GMDS: variants seen among roughly 807,000 people sequenced by gnomAD.
GMDS encodes the protein GDP-mannose 4,6 dehydratase.
In GMDS, 20 loss-of-function variants were observed where a neutral mutation model predicts 49.9. That is an observed-to-expected ratio of 0.40 (90% CI 0.28 to 0.58). The LOEUF (loss-of-function observed/expected upper bound fraction) is 0.58, where lower values mean the gene tolerates loss of function less well. Ranked by LOEUF, GMDS falls within the 20% of genes least tolerant of loss-of-function variation. The pLI, the probability that GMDS is intolerant of heterozygous loss-of-function variation, is 0.42. For missense variants in GMDS, 362 were observed against 481.4 expected, an observed-to-expected ratio of 0.75 and a Z score of 2.32; for synonymous variants, 177 against 178.6, an observed-to-expected ratio of 0.99 and a Z score of 0.07.
intron 1 of GMDS, among the ~76,000 whole-genome samples, chr6:2,231,682 G>A (rs1162699182): frequency 2.0e-5 from 3 of 152,196 alleles, no homozygotes; most frequent in Admixed American, 2.0e-4. Flanking sequence ...ATATCAAATG[G>A]GTACCAGGAA....
At chr6:1,748,713 T>A (rs1269260261) in intron 7 of GMDS, among the ~76,000 whole-genome samples, 1 of 152,280 alleles carries the variant, frequency 6.6e-6, no homozygotes, top group Non-Finnish European at 1.5e-5. Flanking sequence ...CAAATGGGTA[T>A]GACTGTGTTC....
chr6:1,898,287 A>G (rs1230995295), intron 7 of GMDS, among the ~76,000 whole-genome samples: 2 of 152,226 alleles, frequency 1.3e-5, no homozygotes, highest in Non-Finnish European at 2.9e-5. Flanking sequence ...AATTTTGCTA[A>G]AGAAAATCAC....
At position 2,124,736 on chromosome 6, in the gene GMDS, G is replaced by T. The variant is rs368457593; in HGVS notation, c.103-5C>A. 181 of 1,611,842 alleles carry T rather than the reference G, an allele frequency of 1.1e-4. No homozygotes were observed. Among genetic ancestry groups the T allele is most frequent in the Non-Finnish European group, 1.5e-4 (171 of 1,178,548 alleles). ...CTCAGCCAGGTAGGAACCATCCTGG[G>T]GAGAAAGAAAAAATTGCAAAACGTC... On this transcript the variant is annotated splice_polypyrimidine_tract_variant and splice_region_variant and intron_variant, in intron 1 of 10. Transcript: ENST00000380815.
At chr6:1,983,441 C>A (rs1200476939) in intron 4 of GMDS, among the ~76,000 whole-genome samples, 1 of 152,102 alleles carries the variant, frequency 6.6e-6, no homozygotes, top group East Asian at 1.9e-4. Flanking sequence ...AGTAAACAGA[C>A]AACCTACAGA....
chr6:2,179,242 A>C (rs1323254035), intron 1 of GMDS, among the ~76,000 whole-genome samples: 1 of 152,226 alleles, frequency 6.6e-6, no homozygotes, highest in Non-Finnish European at 1.5e-5. Flanking sequence ...AAATATCTTA[A>C]AACTTGATTT....
chr6:2,108,098 T>C (rs1362768137), intron 4 of GMDS, among the ~76,000 whole-genome samples: 1 of 152,220 alleles, frequency 6.6e-6, no homozygotes, highest in Non-Finnish European at 1.5e-5. Context: ...AGACCCAATA[T>C]GAAGTTACAG....
intron 8 of GMDS, among the ~76,000 whole-genome samples, chr6:1,737,716 GAC>G (rs960466672): frequency 2.8e-5 from 3 of 106,878 alleles, no homozygotes; most frequent in African/African-American, 1.2e-4. Flanking sequence ...ACACCACAAA[GAC>G]ACACCACAAA....
intron 7 of GMDS, among the ~76,000 whole-genome samples, chr6:1,898,506 A>T (rs1479274146): frequency 6.6e-6 from 1 of 152,148 alleles, no homozygotes; most frequent in Non-Finnish European, 1.5e-5. Flanking sequence ...GGGCAAAATA[A>T]TAGTTTCCAC....
chr6:1,920,464 CAAGA>C (rs1038639716), intron 7 of GMDS, among the ~76,000 whole-genome samples: 7 of 152,254 alleles, frequency 4.6e-5, no homozygotes, highest in African/African-American at 1.4e-4. Context: ...AGAGACAGAG[CAAGA>C]GAGATAGAGT....
At chr6:2,070,507 C>G (rs770162117) in intron 4 of GMDS, among the ~76,000 whole-genome samples, 12 of 152,082 alleles carry the variant, frequency 7.9e-5, no homozygotes, top group South Asian at 2.1e-4. Flanking sequence ...ATCTAGCAAT[C>G]TGATGGATGA....
intron 1 of GMDS, among the ~76,000 whole-genome samples, chr6:2,217,080 G>A (rs551499542): frequency 2.6e-5 from 4 of 152,108 alleles, no homozygotes; most frequent in Admixed American, 6.5e-5. Flanking sequence ...ACGTGGACTC[G>A]AGCTGGCTCT....
intron 6 of GMDS, among the ~76,000 whole-genome samples, chr6:1,953,838 C>T (rs1763490305): frequency 1.3e-5 from 2 of 151,774 alleles, no homozygotes; most frequent in East Asian, 1.9e-4. Flanking sequence ...TTAAAAAAAC[C>T]TCTCAATATT....
chr6:1,702,189 G>A (rs34516806), intron 9 of GMDS, among the ~76,000 whole-genome samples: 10,747 of 152,310 alleles, frequency 0.071, 446 homozygotes, highest in South Asian at 0.093. Flanking sequence ...GCTGGACTCC[G>A]ACTCTTCGTA....
intron 9 of GMDS, among the ~76,000 whole-genome samples, chr6:1,707,078 G>A (rs1398795117): frequency 6.6e-6 from 1 of 152,136 alleles, no homozygotes; most frequent in Non-Finnish European, 1.5e-5. Flanking sequence ...GGTAGTTTGT[G>A]GATAACAGAG....
chr6:1,845,763 T>C (rs935484431), intron 7 of GMDS, among the ~76,000 whole-genome samples: 10 of 152,124 alleles, frequency 6.6e-5, no homozygotes, highest in African/African-American at 2.4e-4. Context: ...CAGTACACAA[T>C]AGAGGCTGTG....
At position 2,117,568 on chromosome 6, in the gene GMDS, C is replaced by T; in HGVS notation, c.148-12G>A. On this transcript the variant is annotated splice_polypyrimidine_tract_variant and intron_variant, in intron 2 of 10. Coordinates refer to ENST00000380815, the MANE Select transcript of GMDS (RefSeq NM_001500.4). The stretch of plus-strand genomic sequence containing the variant: ...ACAATTCCATGGACCTGAGTTTTTA[C>T]AGTGTGGAAAGATAAATGTGCAATG... 4 of 1,486,986 alleles carry T rather than the reference C, an allele frequency of 2.7e-6. No individual in the cohort carries two copies. The highest frequency in any genetic ancestry group is 3.8e-6 in the Non-Finnish European group (4 of 1,064,164). 92.1% of individuals were successfully genotyped at this position (1,486,986 alleles called of 1,614,324 possible).
At chr6:1,624,750 G>A in intron 9 of GMDS, 2 of 520,244 alleles carry the variant, frequency 3.8e-6, no homozygotes, top group East Asian at 3.3e-5. Context: ...GTGCGGACCC[G>A]TGAGGACCGT....
chr6:1,910,980 A>C (rs112304362), intron 7 of GMDS, among the ~76,000 whole-genome samples: 42 of 152,310 alleles, frequency 2.8e-4, no homozygotes, highest in African/African-American at 9.6e-4. Flanking sequence ...ACCACTAAAA[A>C]GTTCACTTCA....
Position 1,959,845 on chromosome 6 carries a change from T to C in GMDS, c.643+22A>G, listed in dbSNP as rs750649515. 4.4e-6 allele frequency: 6 copies of C among 1,350,376 alleles called. No homozygotes were observed. The South Asian group carries it at 7.4e-5, about 17-fold the overall frequency. The allele number at this position is 1,350,376 out of a possible 1,614,324, so 83.6% of individuals were successfully genotyped here. A position where few individuals can be genotyped will look rare whatever the true frequency, so the allele number is the denominator to read the frequency against. ...TGTTGTTCAAGTCTGAAATTCTCTT[T>C]TCAGTTAATATATTTACTGACCTCT... On this transcript the variant is annotated intron_variant, in intron 6 of 10. Transcript: ENST00000380815.
Sources: allele counts gnomAD v4.1 joint callset (sites outside exome capture counted in the v4.1 genomes callset), GRCh38; gene constraint gnomAD v4.1.1; transcripts MANE v1.5; gene names NCBI Gene and HGNC (gene_info 2026-07-23, HGNC 2026-07-21).